Variants in NRG4 observed in about 807,000 individuals in gnomAD.
NRG4 encodes neuregulin 4, also known as pro-neuregulin-4, membrane-bound isoform.
In NRG4, 10 loss-of-function variants were observed where a neutral mutation model predicts 15.0. That is an observed-to-expected ratio of 0.67 (90% CI 0.41 to 1.13). The LOEUF is 1.13. Among genes scored for constraint, NRG4 ranks in the 50% most tolerant of loss-of-function variants. NRG4 has a pLI of 0.00. For synonymous variants in NRG4, 41 were observed against 50.1 expected, an observed-to-expected ratio of 0.82 and a Z score of 0.77; for missense variants, 139 against 140.2, an observed-to-expected ratio of 0.99 and a Z score of 0.04.
In NRG4 at chr15:76,049,982, C is replaced by T. The variant is rs948035368; in HGVS notation, c.-105+2085G>A. On this transcript the variant is annotated intron_variant, in intron 4 of 8. Transcript: ENST00000563910. ...AAAAACTAAATATGTTAATGATGGT[C>T]ACACGGCCAAGAATGGAATAAATTG... is the stretch of plus-strand genomic sequence containing the variant. 2.0e-5 allele frequency among the ~76,000 whole-genome samples: 3 copies of T among 150,910 alleles called. 1 individual carries two copies. Among genetic ancestry groups the T allele is most frequent in the African/African-American group, 7.4e-5 (3 of 40,438 alleles).
chr15:75,940,377 G>A (rs1363087188), downstream of NRG4: 1 of 151,124 alleles, frequency 6.6e-6, no homozygotes, highest in Non-Finnish European at 1.5e-5. Flanking sequence ...TCATGGATTG[G>A]AAAATCTAAT....
chr15:75,979,526 A>G (rs896545726), intron 3 of NRG4, among the ~76,000 whole-genome samples: 2 of 152,146 alleles, frequency 1.3e-5, no homozygotes, highest in African/African-American at 4.8e-5. Flanking sequence ...CTAAAATTAA[A>G]ATCTGTTATA....
intron 3 of NRG4, among the ~76,000 whole-genome samples, chr15:75,998,179 T>C (rs2034281369): frequency 6.6e-6 from 1 of 152,216 alleles, no homozygotes; most frequent in Admixed American, 6.5e-5. Flanking sequence ...ACCTACTCTA[T>C]GCTTGTTCTA....
At chr15:76,040,274 G>A (rs1011052240) in intron 4 of NRG4, among the ~76,000 whole-genome samples, 1 of 152,164 alleles carries the variant, frequency 6.6e-6, no homozygotes, top group African/African-American at 2.4e-5. Flanking sequence ...TTTATTTAAA[G>A]TGCTGAAGGT....
rs927166832 is a variant in NRG4, at chr15:75,942,772, G to A, written c.*866C>T. ...TTTACCAGCCCCAGACCTTTCCACT[G>A]CTCCAAGACTTTATTTTCATACTTC... is the stretch of plus-strand genomic sequence containing the variant. On this transcript the variant is annotated 3_prime_UTR_variant, in exon 6 of 6. Transcript: ENST00000394907. 1 of 152,108 alleles carries A rather than the reference G, an allele frequency of 6.6e-6. No individual in the cohort carries two copies. Among genetic ancestry groups the A allele is most frequent in the Admixed American group, 6.5e-5 (1 of 15,270 alleles). The allele number at this position is 152,108 out of a possible 1,614,324, so 9.4% of individuals were successfully genotyped here.
intron 5 of NRG4, chr15:75,950,868 T>C (rs1474324902): frequency 6.1e-6 from 1 of 165,144 alleles, no homozygotes; most frequent in African/African-American, 2.4e-5. Flanking sequence ...ATTCTAGATA[T>C]ATGTCTTCCT....
chr15:75,982,061 A>G (rs1379614445), intron 3 of NRG4, among the ~76,000 whole-genome samples: 1 of 152,214 alleles, frequency 6.6e-6, no homozygotes, highest in Non-Finnish European at 1.5e-5. Flanking sequence ...ACAGCTTCAT[A>G]GAGAATTCTT....
At chr15:75,964,162 C>T (rs1309416908) in intron 3 of NRG4, among the ~76,000 whole-genome samples, 1 of 152,126 alleles carries the variant, frequency 6.6e-6, no homozygotes, top group Non-Finnish European at 1.5e-5. Flanking sequence ...AACACACACA[C>T]ACACACGCAC....
chr15:75,996,655 G>C (rs1365674608), intron 3 of NRG4, among the ~76,000 whole-genome samples: 1 of 152,094 alleles, frequency 6.6e-6, no homozygotes, highest in African/African-American at 2.4e-5. Flanking sequence ...ATAGCAACTA[G>C]TGACTTGCTT....
intron 5 of NRG4, among the ~76,000 whole-genome samples, chr15:76,033,085 C>A (rs1021031043): frequency 6.6e-6 from 1 of 152,148 alleles, no homozygotes; most frequent in Non-Finnish European, 1.5e-5. Context: ...TATTAAAGTG[C>A]AAGTCTTAGC....
At chr15:76,032,296 A>G (rs914072713) in intron 5 of NRG4, among the ~76,000 whole-genome samples, 1 of 152,196 alleles carries the variant, frequency 6.6e-6, no homozygotes, top group Non-Finnish European at 1.5e-5. Flanking sequence ...CTCAGGGTAC[A>G]TCAGAAAAGA....
chr15:75,985,499 A>G (rs1426269743), intron 3 of NRG4, among the ~76,000 whole-genome samples: 1 of 152,224 alleles, frequency 6.6e-6, no homozygotes, highest in East Asian at 1.9e-4. Flanking sequence ...TCTGCCTCGC[A>G]TATACCAAAA....
chr15:76,055,818 T>C (rs901087544), intron 2 of NRG4, among the ~76,000 whole-genome samples: 1 of 152,232 alleles, frequency 6.6e-6, no homozygotes, highest in African/African-American at 2.4e-5. Flanking sequence ...TAAAAATTAC[T>C]GGAAATAAAA....
In NRG4 at chr15:76,009,224, G is replaced by A; in HGVS notation, c.80C>T (p.Pro27Leu). 1.9e-6 allele frequency: 3 copies of A among 1,589,780 alleles called. No homozygotes were observed. Among genetic ancestry groups the A allele is most frequent in the Non-Finnish European group, 2.6e-6 (3 of 1,158,498 alleles). Residue 27 changes from proline to leucine, a missense_variant, in exon 3 of 6, where the codon CCT (proline) becomes CTT (leucine). Pro to Leu is a moderately conservative substitution (Grantham distance 98). Transcript: ENST00000394907. ...CCTACAAAATGGGCTGGGAATAGTA[G>A]GTATCACATAACAAAGCCCCCCATT... ...CLNGGLCYVI[P>L]TIPSPFCRCV...
rs1046777285 is a variant in NRG4 at position 75,985,351 on chromosome 15, C to T, written c.105-23377G>A. On this transcript the variant is annotated intron_variant, in intron 3 of 5. Transcript: ENST00000394907. The stretch of plus-strand genomic sequence containing the variant: ...GGCACAAGCTTCGAAGAGTTCCCTC[C>T]TAGTGGAGTCACACAGAACAAGCCT... 7.2e-5 allele frequency among the ~76,000 whole-genome samples: 11 copies of T among 152,280 alleles called. No individual in the cohort carries two copies. In the East Asian group the frequency reaches 1.9e-3, roughly 27 times the overall value.
chr15:75,944,541 A>G (rs2031339983), intron 5 of NRG4, among the ~76,000 whole-genome samples: 1 of 152,220 alleles, frequency 6.6e-6, no homozygotes, highest in South Asian at 2.1e-4. Context: ...AAACCTATCG[A>G]TGAAGTAAGG....
At chr15:75,964,090 G>C (rs1340092824) in intron 3 of NRG4, among the ~76,000 whole-genome samples, 1 of 151,978 alleles carries the variant, frequency 6.6e-6, no homozygotes, top group Non-Finnish European at 1.5e-5. Flanking sequence ...AAAATAATTT[G>C]TTTCTTTCTC....
chr15:76,007,334 G>A (rs983331981), intron 3 of NRG4, among the ~76,000 whole-genome samples: 1 of 151,886 alleles, frequency 6.6e-6, no homozygotes, highest in Non-Finnish European at 1.5e-5. Flanking sequence ...AGGGGCAAAG[G>A]CAATTCAATG....
chr15:76,021,963 G>T (rs948634451), intron 5 of NRG4, among the ~76,000 whole-genome samples: 16 of 152,324 alleles, frequency 1.1e-4, no homozygotes, highest in African/African-American at 3.8e-4. Flanking sequence ...TCTGGCATTA[G>T]ATTCCCATAA....
Sources: allele counts gnomAD v4.1 joint callset (sites outside exome capture counted in the v4.1 genomes callset), GRCh38; gene constraint gnomAD v4.1.1; transcripts MANE v1.5; gene names NCBI Gene and HGNC (gene_info 2026-07-23, HGNC 2026-07-21).